FBN3: variants seen among roughly 807,000 people sequenced by gnomAD.
FBN3 encodes the protein fibrillin 3, also known as fibrillin-3.
A neutral mutation model predicts 330.1 loss-of-function variants in FBN3; 234 were observed. The ratio of observed to expected loss-of-function variants is 0.71; its 90% confidence interval spans 0.64 to 0.79. The LOEUF is 0.79. Among genes scored for constraint, FBN3 ranks in the 30% least tolerant of loss-of-function variants. The pLI is 0.00. For synonymous variants in FBN3, 1,458 were observed against 1,517.3 expected (o/e 0.96, Z 0.91); for missense variants, 3,606 against 3,886.9 (o/e 0.93, Z 1.92).
intron 22 of FBN3, among the ~76,000 whole-genome samples, chr19:8,125,209 G>C (rs536561986): frequency 6.6e-6 from 1 of 152,240 alleles, no homozygotes; most frequent in East Asian, 1.9e-4. Flanking sequence ...GCCTAGGCAA[G>C]AGAGTGAGAC....
At chr19:8,080,475 T>C (rs937278438) in intron 59 of FBN3, among the ~76,000 whole-genome samples, 1 of 152,152 alleles carries the variant, frequency 6.6e-6, no homozygotes, top group Non-Finnish European at 1.5e-5. Flanking sequence ...GAAGGCAAGA[T>C]GCCATAAGCC....
rs566662493 is a variant in FBN3, at chr19:8,077,970, G to A, written c.7454-2559C>T. Among the ~76,000 whole-genome samples the A allele has an allele frequency of 7.8e-5, 7 of 89,708 alleles. No homozygotes were observed. The South Asian group carries it at 1.8e-3, about 23-fold the overall frequency. 58.9% of individuals were successfully genotyped at this position (89,708 alleles called of 152,430 possible). ...CACACACCTGTAGTCCTAGCTACTT[G>A]GGAAGCTGAGGCAGGAGGATCGCTT... is the stretch of plus-strand genomic sequence containing the variant. On this transcript the variant is annotated intron_variant, in intron 59 of 63. Coordinates refer to ENST00000600128, the MANE Select transcript of FBN3 (RefSeq NM_032447.5).
rs145113913 is a variant in FBN3 at position 8,078,457 on chromosome 19, G to A, written c.7453+2546C>T. ...TGAGCCTCACACCACCATCTGCCTG[G>A]CTGAGAATTTAAACTCATTTCTAGT... On this transcript the variant is annotated intron_variant, in intron 59 of 63. Transcript: ENST00000600128. Among the ~76,000 whole-genome samples, 919 of 152,266 alleles carry A rather than the reference G, an allele frequency of 6.0e-3. 5 individuals carry two copies. The highest frequency in any genetic ancestry group is 0.044 in the Middle Eastern group (13 of 294).
At chr19:8,089,751 G>T (rs1260257997) in intron 50 of FBN3, 81 bp from the exon 51 acceptor site, 2 of 1,581,052 alleles carry the variant, frequency 1.3e-6, no homozygotes, top group Non-Finnish European at 1.7e-6. Context: ...GGCCCCAAGG[G>T]GACAAAAGCC....
intron 57 of FBN3, among the ~76,000 whole-genome samples, 194 bp downstream of exon 57, chr19:8,083,053 G>A (rs1031157957): frequency 2.0e-5 from 3 of 152,008 alleles, no homozygotes; most frequent in South Asian, 2.1e-4. Flanking sequence ...CTCCCACCTC[G>A]ACCTCCCAAA....
At chr19:8,069,858 C>T (rs2081475466) in intron 63 of FBN3, among the ~76,000 whole-genome samples, 2 of 152,322 alleles carry the variant, frequency 1.3e-5, no homozygotes, top group South Asian at 4.1e-4. Flanking sequence ...AATCCCAGCA[C>T]TCTGGGAGTC....
chr19:8,082,567 C>G (rs934282861), intron 57 of FBN3, among the ~76,000 whole-genome samples: 1 of 151,642 alleles, frequency 6.6e-6, no homozygotes, highest in Non-Finnish European at 1.5e-5. Flanking sequence ...GATCTCAGCT[C>G]ACTACAACCT....
At chr19:8,086,163 G>C in intron 55 of FBN3, 37 bp downstream of exon 55, 5 of 1,557,252 alleles carry the variant, frequency 3.2e-6, no homozygotes, top group Non-Finnish European at 4.3e-6. Context: ...CACATGGTAG[G>C]TGGTTGCAAC....
chr19:8,121,254 C>G lies in FBN3; in HGVS notation c.3211+4G>C. On this transcript the variant is annotated splice_donor_region_variant and intron_variant, in intron 25 of 63. Coordinates refer to ENST00000600128, the MANE Select transcript of FBN3 (RefSeq NM_032447.5). The surrounding 1 kb of genome is among the most constrained non-coding windows in gnomAD (Gnocchi z 4.5). ...CACCACACCCCTGCCCGGCAGTCAC[C>G]GACCCATGCAGTTCTTCATCAGCAT... 1.9e-6 allele frequency: 3 copies of G among 1,595,404 alleles called. No homozygotes were observed. The highest frequency in any genetic ancestry group is 2.3e-5 in the East Asian group (1 of 44,416).
rs533609217 is a variant in FBN3 at position 8,147,375 on chromosome 19, C to T, written c.106G>A (p.Ala36Thr). ...CGTCCAGGACCTGCAGCCTCCAAGG[C>T]CCCGTCCCAGCGGCCTTGGCCACCT... The part of the protein sequence containing the change: ...MAGGQGRWDG[A>T]LEAAGPGRVR... Residue 36 changes from alanine (A) to threonine (T), a missense_variant, in exon 2 of 64, where the codon GCC becomes ACC. Coordinates refer to ENST00000600128, the MANE Select transcript of FBN3 (RefSeq NM_032447.5). The T allele has an allele frequency of 1.0e-5, 16 of 1,601,160 alleles. No individual in the cohort carries two copies. In the Admixed American group the frequency reaches 2.2e-4, roughly 22 times the overall value.
chr19:8,129,325 A>G lies in FBN3; in HGVS notation c.2085T>C (p.Asn695=). The change falls in exon 17 of 64, where the codon AAT becomes AAC. Residue 695 remains asparagine, a synonymous_variant. Coordinates refer to ENST00000600128, the MANE Select transcript of FBN3 (RefSeq NM_032447.5). This position sits in a 1 kb window ranked among gnomAD's most constrained non-coding sequence, Gnocchi z 4.5. ...ECALDPEVCA[N]GVCENLRGSY... ...TGCCCCGAAGGTTCTCGCACACGCC[A>G]TTGGCACAAACCTCAGGATCCAGAG... 1 of 1,614,182 alleles carries G rather than the reference A, an allele frequency of 6.2e-7. No homozygotes were observed. The highest frequency in any genetic ancestry group is 8.5e-7 in the Non-Finnish European group (1 of 1,180,020).
At position 8,066,261 on chromosome 19, in the gene FBN3, C is replaced by T. The variant is rs1471259512; in HGVS notation, c.8089-1G>A. ...CGGAGTCAAGGGTGGCCAGGTTCAC[C>T]TGGGAAGAAAGGCCAGGTGTGTGGT... On this transcript the variant is annotated splice_acceptor_variant, in intron 63 of 63. Transcript: ENST00000600128. LOFTEE classifies it high-confidence loss of function. The T allele has an allele frequency of 3.9e-6, 6 of 1,541,000 alleles. No individual in the cohort carries two copies. Among genetic ancestry groups the T allele is most frequent in the Non-Finnish European group, 5.3e-6 (6 of 1,140,420 alleles).
chr19:8,143,819 C>CTTTCTTT (rs1555757013), intron 6 of FBN3, among the ~76,000 whole-genome samples: 4 of 117,632 alleles, frequency 3.4e-5, no homozygotes, highest in African/African-American at 1.2e-4. Flanking sequence ...TTCTTTCTTT[C>CTTTCTTT]TTTTTTTTTT....
intron 47 of FBN3, among the ~76,000 whole-genome samples, chr19:8,094,233 T>C (rs552922120): frequency 1.3e-5 from 2 of 152,304 alleles, no homozygotes; most frequent in East Asian, 1.9e-4. Flanking sequence ...ATTTATAGGA[T>C]TCATGAGGAA....
At chr19:8,112,621 G>A (rs182738574) in intron 30 of FBN3, among the ~76,000 whole-genome samples, 1 of 152,286 alleles carries the variant, frequency 6.6e-6, no homozygotes, top group African/African-American at 2.4e-5. Context: ...CTGCACTCTA[G>A]CCTGGGCGAC....
intron 63 of FBN3, among the ~76,000 whole-genome samples, chr19:8,066,965 T>C (rs12972954): frequency 0.6 from 91,195 of 151,754 alleles, 27,833 homozygotes; most frequent in East Asian, 0.77. Context: ...AAGCCCAAAC[T>C]GCCTCATCAT....
At chr19:8,135,304 GTCTC>G (rs2083252954) in intron 13 of FBN3, among the ~76,000 whole-genome samples, 2 of 151,334 alleles carry the variant, frequency 1.3e-5, no homozygotes, top group African/African-American at 4.9e-5. Context: ...TTGAGACTGA[GTCTC>G]TCTCTGTCAC....
Position 8,111,728 on chromosome 19 carries a change from C to A in FBN3, c.4004G>T (p.Arg1335Ile). Residue 1335 changes from arginine (R) to isoleucine (I), a missense_variant, in exon 32 of 64, where the codon AGA becomes ATA. Coordinates refer to ENST00000600128, the MANE Select transcript of FBN3 (RefSeq NM_032447.5). ...CVSQEHRCSP[R>I]GDCLNVPGSY... is the part of the protein sequence containing the mutation. ...GCCAGGGACATTGAGACAGTCACCT[C>A]TTGGGCTGCACCGGTGCTCCTGGGA... 1 of 1,612,662 alleles carries A rather than the reference C, an allele frequency of 6.2e-7. No individual in the cohort carries two copies. Among genetic ancestry groups the A allele is most frequent in the Non-Finnish European group, 8.5e-7 (1 of 1,179,014 alleles).
At chr19:8,137,524 G>A (rs550362002) in intron 10 of FBN3, among the ~76,000 whole-genome samples, 2 of 152,174 alleles carry the variant, frequency 1.3e-5, no homozygotes, top group African/African-American at 2.4e-5. Context: ...CCTCATTATG[G>A]GGCAAGAACC....
Sources: gnomAD v4.1 joint callset for allele counts (sites outside exome capture counted in the v4.1 genomes callset) on GRCh38, gnomAD v4.1.1 for gene constraint, Gnocchi (gnomAD v3.1) non-coding constraint, MANE v1.5 for transcripts, NCBI Gene and HGNC (gene_info 2026-07-23, HGNC 2026-07-21) for gene names.